ELOVL2: variants seen among roughly 807,000 people sequenced by gnomAD.
The protein encoded by ELOVL2 is very long chain fatty acid elongase 2.
ELOVL2 carries 38 observed loss-of-function variants against 37.7 expected under a neutral mutation model. The ratio of observed to expected loss-of-function variants is 1.01; its 90% CI spans 0.78 to 1.32. The LOEUF (loss-of-function observed/expected upper bound fraction) is 1.32. Among genes scored for constraint, ELOVL2 ranks in the 40% most tolerant of loss-of-function variants. The pLI is 0.00. For missense variants in ELOVL2, 352 were observed against 363.6 expected (o/e 0.97, Z 0.26); for synonymous variants, 115 against 122.3 (o/e 0.94, Z 0.40).
intron 1 of ELOVL2, among the ~76,000 whole-genome samples, chr6:11,020,306 TTGAC>T (rs768684893): frequency 2.6e-5 from 4 of 152,220 alleles, no homozygotes; most frequent in Non-Finnish European, 5.9e-5. Context: ...TGAGAAATTC[TTGAC>T]TAAGTGAAAA....
At position 11,005,554 on chromosome 6, in the gene ELOVL2, G is replaced by A. The variant is rs1489830791; in HGVS notation, c.73C>T (p.Arg25Ter). ...LDNMFGPRDSRVRGWFMLDSY... is the reference protein window; with the variant it reads ...LDNMFGPRDS ...TCCAACATGAACCACCCTCTGACTC[G>A]AGAATCTGAAAAGAAACACATACAG... The change falls in exon 3 of 8, where the codon CGA (arginine) becomes TGA (stop). Residue 25 changes from arginine to a stop codon, truncating the protein, a stop_gained. Coordinates refer to ENST00000354666, the MANE Select transcript of ELOVL2 (RefSeq NM_017770.4). LOFTEE classifies it high-confidence loss of function. 2.5e-6 allele frequency: 4 copies of A among 1,611,958 alleles called. No homozygotes were observed. The highest frequency in any genetic ancestry group is 2.2e-5 in the East Asian group (1 of 44,792).
rs1156468417 is a variant in ELOVL2, at chr6:11,005,496, A to T, written c.131T>A (p.Met44Lys). ...SYLPTFFLTV[M>K]YLLSIWLGNK... ...ACCCAGCCATATTGAGAGCAGATAC[A>T]TGACAGTAAGAAAAAAGGTAGGAAG... The change falls in exon 3 of 8, where the codon ATG becomes AAG. Residue 44 changes from methionine to lysine, a missense_variant. By Grantham distance (95) the Met-to-Lys change is moderately conservative. Coordinates refer to ENST00000354666, the MANE Select transcript of ELOVL2 (RefSeq NM_017770.4). 1 of 1,614,068 alleles carries T rather than the reference A, an allele frequency of 6.2e-7. No homozygotes were observed. The highest frequency in any genetic ancestry group is 1.3e-5 in the African/African-American group (1 of 74,930).
At chr6:10,988,840 T>C (rs893383400) in intron 7 of ELOVL2, among the ~76,000 whole-genome samples, 75 of 152,364 alleles carry the variant, frequency 4.9e-4, no homozygotes, top group Non-Finnish European at 9.1e-4. Context: ...AACTGCATTT[T>C]GAAGCTGTCT....
intron 1 of ELOVL2, among the ~76,000 whole-genome samples, chr6:11,041,580 T>G (rs1469637086): frequency 1.3e-5 from 2 of 152,216 alleles, no homozygotes; most frequent in Non-Finnish European, 2.9e-5. Flanking sequence ...GTATCTTTCA[T>G]TCATCTTTGG....
At chr6:11,006,627 C>T (rs1344352222) in intron 2 of ELOVL2, among the ~76,000 whole-genome samples, 2 of 152,274 alleles carry the variant, frequency 1.3e-5, no homozygotes, top group East Asian at 3.9e-4. Flanking sequence ...GTTAAACCAC[C>T]CGCCCTACAG....
Position 11,010,925 on chromosome 6 carries a change from A to G in ELOVL2, c.4-116T>C, listed in dbSNP as rs1782564361. 1.3e-5 allele frequency: 10 copies of G among 747,732 alleles called. No homozygotes were observed. The South Asian group carries it at 1.5e-4, about 11-fold the overall frequency. The allele number at this position is 747,732 out of a possible 1,614,324, so 46.3% of individuals were successfully genotyped here. A position where few individuals can be genotyped will look rare whatever the true frequency, so the allele number is the denominator to read the frequency against. Reference sequence around the variant, plus strand: ...CAGACTTTCAAAGGGTCCCAGCTTCAAGGACTTTTGACTGCAAAGACTTAA... The same window carrying G: ...CAGACTTTCAAAGGGTCCCAGCTTCGAGGACTTTTGACTGCAAAGACTTAA... On this transcript the variant is annotated intron_variant, in intron 1 of 7. Coordinates refer to ENST00000354666, the MANE Select transcript of ELOVL2 (RefSeq NM_017770.4).
intron 6 of ELOVL2, 79 bp downstream of exon 6, chr6:10,990,239 C>T: frequency 6.5e-7 from 1 of 1,549,962 alleles, no homozygotes; most frequent in Non-Finnish European, 8.7e-7. Context: ...CATAAAAAGC[C>T]CTCTGACTTC....
rs74352598 is a variant in ELOVL2 at position 11,004,416 on chromosome 6, CTTT to C, written c.255+953_255+955del. ...TTTTGTTTTTGTTCTCTTTGTCCCT[CTTT>C]TTTTTTTTTTTTCTACAGCAAGTTA... On this transcript the variant is annotated intron_variant, in intron 3 of 7. Coordinates refer to ENST00000354666, the MANE Select transcript of ELOVL2 (RefSeq NM_017770.4). 2.8e-3 allele frequency among the ~76,000 whole-genome samples: 400 copies of C among 142,014 alleles called. 7 individuals are homozygous for C. The East Asian group carries it at 0.047, about 17-fold the overall frequency. 93.2% of individuals were successfully genotyped at this position (142,014 alleles called of 152,430 possible). A position where few individuals can be genotyped will look rare whatever the true frequency, so the allele number is the denominator to read the frequency against.
intron 4 of ELOVL2, among the ~76,000 whole-genome samples, chr6:10,996,233 C>A (rs1403430464): frequency 3.9e-5 from 6 of 152,078 alleles, no homozygotes; most frequent in Admixed American, 3.9e-4. Context: ...CGGCCGCAAC[C>A]GTCTTAATGT....
At chr6:11,043,031 A>G (rs897829537) in intron 1 of ELOVL2, among the ~76,000 whole-genome samples, 3 of 152,194 alleles carry the variant, frequency 2.0e-5, no homozygotes. Flanking sequence ...CATGCTCAAG[A>G]GAAGACAAAT....
At chr6:10,998,945 G>A (rs1782324140) in intron 4 of ELOVL2, among the ~76,000 whole-genome samples, 1 of 151,582 alleles carries the variant, frequency 6.6e-6, no homozygotes, top group Admixed American at 6.6e-5. Context: ...CTTTTTTATT[G>A]GTATCTCTTT....
At chr6:11,004,401 G>A (rs1234096947) in intron 3 of ELOVL2, among the ~76,000 whole-genome samples, 1 of 144,676 alleles carries the variant, frequency 6.9e-6, no homozygotes, top group Non-Finnish European at 1.5e-5. Flanking sequence ...TTTTGTTTTT[G>A]TTCTCTTTGT....
intron 5 of ELOVL2, 96 bp downstream of exon 5, chr6:10,994,911 T>C (rs974228708): frequency 6.0e-6 from 6 of 1,006,058 alleles, no homozygotes; most frequent in African/African-American, 3.3e-5. Flanking sequence ...CCTCCCTTCA[T>C]GCTCTCCTGA....
rs186529550 is a variant in ELOVL2, at chr6:10,989,798, C to T, written c.670G>A (p.Val224Ile). 34 of 1,614,162 alleles carry T rather than the reference C, an allele frequency of 2.1e-5. No homozygotes were observed. The highest frequency in any genetic ancestry group is 1.6e-4 in the East Asian group (7 of 44,884). Reference protein sequence around the residue: ...VLTITHTMSAVVKPCGFPFGC... With the variant: ...VLTITHTMSAIVKPCGFPFGC... ...AAGGGGAAGCCACACGGTTTCACGA[C>T]GGCGCTCATGGTGTGCGTGATGGTG... The change falls in exon 7 of 8, where the codon GTC becomes ATC. Residue 224 changes from valine to isoleucine, a missense_variant. Physicochemically the swap from Val to Ile is conservative, Grantham distance 29 (BLOSUM62 3). Coordinates refer to ENST00000354666, the MANE Select transcript of ELOVL2 (RefSeq NM_017770.4).
At chr6:10,995,554 C>T (rs1466253610) in intron 4 of ELOVL2, among the ~76,000 whole-genome samples, 1 of 152,190 alleles carries the variant, frequency 6.6e-6, no homozygotes, top group Non-Finnish European at 1.5e-5. Flanking sequence ...CCTGCTTACT[C>T]CTCCTCCAGC....
At chr6:11,011,379 A>AG (rs1428800426) in intron 1 of ELOVL2, among the ~76,000 whole-genome samples, 2 of 150,784 alleles carry the variant, frequency 1.3e-5, no homozygotes, top group African/African-American at 4.9e-5. Flanking sequence ...AAAAAAAAAG[A>AG]AAAAAAAACA....
At chr6:11,013,771 C>A (rs1170292691) in intron 1 of ELOVL2, among the ~76,000 whole-genome samples, 3 of 151,410 alleles carry the variant, frequency 2.0e-5, no homozygotes, top group Non-Finnish European at 4.4e-5. Context: ...GAGAAGGGAA[C>A]AGTATAGCCC....
In ELOVL2 at chr6:10,983,908, T is replaced by C; in HGVS notation, c.766-2A>G. On this transcript the variant is annotated splice_acceptor_variant, in intron 7 of 7. Coordinates refer to ENST00000354666, the MANE Select transcript of ELOVL2 (RefSeq NM_017770.4). LOFTEE classifies it high-confidence loss of function. ...CTTCATTGGCTTTTTTCGGTATGTC[T>C]GTTGGATGTGTATATTTTGAAGAGA... 1 of 1,606,770 alleles carries C rather than the reference T, an allele frequency of 6.2e-7. No homozygotes were observed. The highest frequency in any genetic ancestry group is 2.2e-5 in the East Asian group (1 of 44,836).
intron 1 of ELOVL2, among the ~76,000 whole-genome samples, chr6:11,042,467 C>A (rs1783113594): frequency 6.6e-6 from 1 of 152,110 alleles, no homozygotes; most frequent in African/African-American, 2.4e-5. Flanking sequence ...TTGATTTTAG[C>A]TCTTTTAGGT....
Sources: allele counts gnomAD v4.1 joint callset (sites outside exome capture counted in the v4.1 genomes callset), GRCh38; gene constraint gnomAD v4.1.1; transcripts MANE v1.5; gene names NCBI Gene and HGNC (gene_info 2026-07-23, HGNC 2026-07-21).